Variants in THRB observed in about 807,000 individuals in gnomAD.
The protein encoded by THRB is thyroid hormone receptor beta, also known as nuclear receptor subfamily 1 group A member 2.
In THRB, 12 loss-of-function variants were observed where a neutral mutation model predicts 47.8. The observed-to-expected ratio is 0.25, with a 90% CI of 0.16 to 0.41. The LOEUF is 0.41. Ranked by LOEUF, THRB falls within the 10% of genes least tolerant of loss-of-function variation. The pLI is 1.00. For synonymous variants in THRB, 218 were observed against 212.2 expected, an observed-to-expected ratio of 1.03 and a Z score of -0.24; for missense variants, 348 against 589.2, an observed-to-expected ratio of 0.59 and a Z score of 4.24.
At position 24,492,931 on chromosome 3, in the gene THRB, C is replaced by T. The variant is rs73823341; in HGVS notation, c.-261+1721G>A. On this transcript the variant is annotated intron_variant, in intron 1 of 10. Transcript: ENST00000646209. ...ATTTTTCACTGGCTATAAAATAAAG[C>T]CAAACTGTATTTACTAGCAGATGGT... Among the ~76,000 whole-genome samples, 701 of 152,284 alleles carry T rather than the reference C, an allele frequency of 4.6e-3. 8 individuals are homozygous for T. The highest frequency in any genetic ancestry group is 0.016 in the African/African-American group (671 of 41,556).
At chr3:24,315,721 AC>A (rs1175395823) in intron 2 of THRB, among the ~76,000 whole-genome samples, 3 of 152,216 alleles carry the variant, frequency 2.0e-5, no homozygotes, top group African/African-American at 7.2e-5. Context: ...ATACCCTGTT[AC>A]GATTAGAACT....
At chr3:24,368,922 TC>T (rs1407540485) in intron 1 of THRB, among the ~76,000 whole-genome samples, 3 of 152,206 alleles carry the variant, frequency 2.0e-5, no homozygotes, top group Admixed American at 6.6e-5. Context: ...CTATGAAGGT[TC>T]GGAGGGGAGA....
intron 5 of THRB, among the ~76,000 whole-genome samples, chr3:24,175,813 A>G (rs1042126862): frequency 7.9e-5 from 12 of 152,186 alleles, no homozygotes; most frequent in African/African-American, 2.9e-4. Context: ...TTTATAAACA[A>G]TAAGATTGCT....
At chr3:24,372,013 G>T (rs1658396178) in intron 1 of THRB, among the ~76,000 whole-genome samples, 1 of 152,050 alleles carries the variant, frequency 6.6e-6, no homozygotes, top group African/African-American at 2.4e-5. Context: ...AAATCATAAT[G>T]CTGCCACTTC....
At chr3:24,412,284 CA>C (rs2150188129) in intron 1 of THRB, among the ~76,000 whole-genome samples, 1 of 151,746 alleles carries the variant, frequency 6.6e-6, no homozygotes, top group East Asian at 2.0e-4. Flanking sequence ...CTTAAAATTT[CA>C]ATAATTTTAG....
intron 2 of THRB, among the ~76,000 whole-genome samples, chr3:24,330,514 A>G (rs1178986693): frequency 6.6e-6 from 1 of 152,236 alleles, no homozygotes; most frequent in Non-Finnish European, 1.5e-5. Context: ...ATAAAACAGC[A>G]AAACACTACC....
Position 24,323,478 on chromosome 3 carries a change from G to A in THRB, c.-189+13822C>T, listed in dbSNP as rs115953301. Among the ~76,000 whole-genome samples, 606 of 152,224 alleles carry A rather than the reference G, an allele frequency of 4.0e-3. 2 individuals carry two copies. Among genetic ancestry groups the A allele is most frequent in the African/African-American group, 0.014 (578 of 41,544 alleles). On this transcript the variant is annotated intron_variant, in intron 2 of 10. Coordinates refer to ENST00000646209, the MANE Select transcript of THRB (RefSeq NM_001354712.2). ...TTTTACTGTGCATAAAAATCACCTGGGATCTTGTTAAAGTACAGATTCTGA... is the reference window on the plus strand; with the variant it reads ...TTTTACTGTGCATAAAAATCACCTGAGATCTTGTTAAAGTACAGATTCTGA...
chr3:24,479,726 A>G (rs1370993278), intron 1 of THRB, among the ~76,000 whole-genome samples: 1 of 152,146 alleles, frequency 6.6e-6, no homozygotes, highest in African/African-American at 2.4e-5. Flanking sequence ...TGAGGCCAAC[A>G]ATCCTCAGGT....
At chr3:24,309,834 C>T (rs557554614) in intron 2 of THRB, among the ~76,000 whole-genome samples, 3 of 152,202 alleles carry the variant, frequency 2.0e-5, no homozygotes, top group African/African-American at 7.2e-5. Flanking sequence ...TTGATATAAA[C>T]TTGTAAAATA....
At position 24,190,166 on chromosome 3, in the gene THRB, G is replaced by A; in HGVS notation, c.191C>T (p.Thr64Ile). The change falls in exon 5 of 11, where the codon ACT (threonine) becomes ATT (isoleucine). Residue 64 changes from threonine (T) to isoleucine (I), a missense_variant. By Grantham distance (89) the Thr-to-Ile change is moderately conservative. This residue lies in a region of THRB where 148 missense variants were observed against 122.3 expected (regional missense o/e 1.21). Transcript: ENST00000646209. Reference protein sequence around the residue: ...SSPHLIQTTWTSSIFHLDHDD... With the variant: ...SSPHLIQTTWISSIFHLDHDD... The stretch of plus-strand genomic sequence containing the variant: ...ATGGTCCAGATGGAATATTGAGCTA[G>A]TCCAAGTGGTCTGGATGAGATGTGG... The A allele has an allele frequency of 1.9e-6, 3 of 1,614,138 alleles. No homozygotes were observed. The highest frequency in any genetic ancestry group is 2.5e-6 in the Non-Finnish European group (3 of 1,179,986).
intron 1 of THRB, among the ~76,000 whole-genome samples, chr3:24,361,759 T>C (rs2064084396): frequency 6.6e-6 from 1 of 152,292 alleles, no homozygotes; most frequent in African/African-American, 2.4e-5. Context: ...TCTCTAATGA[T>C]GTGAAGCTGG....
At chr3:24,455,944 T>G (rs1401493523) in intron 1 of THRB, among the ~76,000 whole-genome samples, 5 of 152,220 alleles carry the variant, frequency 3.3e-5, no homozygotes, top group African/African-American at 4.8e-5. Flanking sequence ...TTTTATCAGC[T>G]GCTTCACTGA....
intron 1 of THRB, among the ~76,000 whole-genome samples, chr3:24,453,513 G>C (rs1361363670): frequency 2.6e-5 from 4 of 152,150 alleles, no homozygotes; most frequent in African/African-American, 9.7e-5. Flanking sequence ...ACTGATTTTA[G>C]TCATTGCTCA....
chr3:24,232,130 T>G (rs1206488666), intron 3 of THRB, among the ~76,000 whole-genome samples: 1 of 152,208 alleles, frequency 6.6e-6, no homozygotes, highest in East Asian at 1.9e-4. Context: ...GTCCTTTAAC[T>G]GCTTCAACAG....
chr3:24,485,637 C>A (rs992075952), intron 1 of THRB, among the ~76,000 whole-genome samples: 2 of 152,218 alleles, frequency 1.3e-5, no homozygotes, highest in African/African-American at 4.8e-5. Context: ...CGCCATCTGG[C>A]TCCTGCCTGC....
At chr3:24,413,628 T>A (rs1325692680) in intron 1 of THRB, among the ~76,000 whole-genome samples, 2 of 151,844 alleles carry the variant, frequency 1.3e-5, no homozygotes, top group Non-Finnish European at 2.9e-5. Context: ...GCAGGTTTGT[T>A]ACATATGTAT....
intron 3 of THRB, among the ~76,000 whole-genome samples, chr3:24,251,440 T>C (rs899816562): frequency 6.6e-6 from 1 of 151,840 alleles, no homozygotes; most frequent in East Asian, 1.9e-4. Context: ...ATAGATGAAC[T>C]AGCAGTTAAC....
upstream of THRB, chr3:24,495,565 T>G (rs1698897076): frequency 6.6e-6 from 1 of 152,404 alleles, no homozygotes; most frequent in Non-Finnish European, 1.5e-5. Flanking sequence ...TGGCCGCGCG[T>G]CCACCCACCC....
intron 1 of THRB, among the ~76,000 whole-genome samples, chr3:24,428,664 C>G (rs1292006209): frequency 6.6e-6 from 1 of 151,942 alleles, no homozygotes; most frequent in Non-Finnish European, 1.5e-5. Context: ...TATCAAAATG[C>G]GTTTTTGGTT....
Sources: allele counts gnomAD v4.1 joint callset (sites outside exome capture counted in the v4.1 genomes callset), GRCh38; gene constraint gnomAD v4.1.1; regional missense constraint gnomAD v4.1.1; transcripts MANE v1.5; gene names NCBI Gene and HGNC (gene_info 2026-07-23, HGNC 2026-07-21).